The following SNW1 variants were observed in gnomAD, a reference collection of about 807,000 sequenced individuals.
SNW1 encodes the protein SNW domain containing 1.
In SNW1, 9 loss-of-function variants were observed where a neutral mutation model predicts 75.6. The observed-to-expected ratio is 0.12, with a 90% confidence interval of 0.07 to 0.21. The LOEUF is 0.21. SNW1 is among the 10% of genes least tolerant of loss of function. SNW1 has a pLI of 1.00. For missense variants in SNW1, 409 were observed against 670.9 expected (o/e 0.61, Z 4.31); for synonymous variants, 200 against 219.1 (o/e 0.91, Z 0.77).
At chr14:77,741,592 T>A (rs528601268) in intron 3 of SNW1, among the ~76,000 whole-genome samples, 2 of 152,196 alleles carry the variant, frequency 1.3e-5, no homozygotes, top group South Asian at 4.1e-4. Context: ...AGTGTTGATT[T>A]TGGAAGGGAC....
chr14:77,722,708 A>G (rs2080551604), intron 11 of SNW1: 1 of 361,648 alleles, frequency 2.8e-6, no homozygotes, highest in African/African-American at 2.1e-5. Context: ...GTTAAGTACA[A>G]GAAAATTAAG....
At chr14:77,758,438 A>G (rs1463314741) in intron 1 of SNW1, among the ~76,000 whole-genome samples, 1 of 151,782 alleles carries the variant, frequency 6.6e-6, no homozygotes, top group Non-Finnish European at 1.5e-5. Context: ...CACAGGCAGT[A>G]TGCCTAGAGT....
chr14:77,718,010 T>C lies in SNW1; in HGVS notation c.*78A>G. ...CCAGATTTGGTTTTTATCCTGACCA[T>C]TTACAAAGTGTTCCCCCATATGACT... On this transcript the variant is annotated 3_prime_UTR_variant, in exon 14 of 14. Coordinates refer to ENST00000261531, the MANE Select transcript of SNW1 (RefSeq NM_012245.3). The C allele has an allele frequency of 7.3e-7, 1 of 1,373,078 alleles. No individual in the cohort carries two copies. The highest frequency in any genetic ancestry group is 9.8e-7 in the Non-Finnish European group (1 of 1,015,842). 85.1% of individuals were successfully genotyped at this position (1,373,078 alleles called of 1,614,324 possible).
At position 77,735,944 on chromosome 14, in the gene SNW1, C is replaced by T; in HGVS notation, c.701G>A (p.Ser234Asn). The T allele has an allele frequency of 6.2e-7, 1 of 1,613,272 alleles. No individual in the cohort carries two copies. Among genetic ancestry groups the T allele is most frequent in the Non-Finnish European group, 8.5e-7 (1 of 1,179,514 alleles). The change falls in exon 7 of 14, where the codon AGC (serine) becomes AAC (asparagine). Residue 234 changes from serine to asparagine, a missense_variant. Physicochemically the swap from Ser to Asn is conservative, Grantham distance 46. Transcript: ENST00000261531. ...SPPAPVMHSP[S>N]RKMTVKEQQE... is the part of the protein sequence containing the mutation. ...GACTACAGCAAAGAATACCTTTCGGCTAGGAGAATGCATGACAGGCGCAGG... is the reference window on the plus strand; with the variant it reads ...GACTACAGCAAAGAATACCTTTCGGTTAGGAGAATGCATGACAGGCGCAGG...
intron 9 of SNW1, among the ~76,000 whole-genome samples, chr14:77,732,146 A>G (rs1367583611): frequency 1.3e-5 from 2 of 152,254 alleles, no homozygotes; most frequent in East Asian, 1.9e-4. Context: ...TTTTCCTGCA[A>G]CTGCCCTTTT....
rs1049189949 is a variant in SNW1, at chr14:77,732,723, G to A, written c.775-122C>T. On this transcript the variant is annotated intron_variant, in intron 8 of 13. Transcript: ENST00000261531. ...TCTGTCACCCTGGCTGGAGGGCAGG[G>A]GTGCCATCTCGGCTCACTGCAACCT... 5 of 644,840 alleles carry A rather than the reference G, an allele frequency of 7.8e-6. No individual in the cohort carries two copies. In the African/African-American group the frequency reaches 9.2e-5, roughly 12 times the overall value. The allele number at this position is 644,840 out of a possible 1,614,324, so 39.9% of individuals were successfully genotyped here.
rs570470502 is a variant in SNW1 at position 77,755,958 on chromosome 14, C to T, written c.15-838G>A. 3.9e-3 allele frequency among the ~76,000 whole-genome samples: 595 copies of T among 152,014 alleles called. 3 individuals are homozygous for T. The highest frequency in any genetic ancestry group is 6.4e-3 in the Non-Finnish European group (437 of 67,968). ...TTCGCCATGTTGGCCAGGCTGGTCTCGAACTCCCGACCGCAGGTGATGTGC... is the reference window on the plus strand; with the variant it reads ...TTCGCCATGTTGGCCAGGCTGGTCTTGAACTCCCGACCGCAGGTGATGTGC... On this transcript the variant is annotated intron_variant, in intron 1 of 13. Coordinates refer to ENST00000261531, the MANE Select transcript of SNW1 (RefSeq NM_012245.3).
intron 9 of SNW1, among the ~76,000 whole-genome samples, chr14:77,732,212 T>C (rs1332507378): frequency 2.0e-5 from 3 of 152,168 alleles, no homozygotes; most frequent in Non-Finnish European, 4.4e-5. Context: ...TTATGAAACC[T>C]AGCAATCTTC....
At position 77,736,009 on chromosome 14, in the gene SNW1, G is replaced by T; in HGVS notation, c.639-3C>A. 1 of 1,610,568 alleles carries T rather than the reference G, an allele frequency of 6.2e-7. No individual in the cohort carries two copies. The highest frequency in any genetic ancestry group is 8.5e-7 in the Non-Finnish European group (1 of 1,177,064). On this transcript the variant is annotated splice_region_variant and splice_polypyrimidine_tract_variant and intron_variant, in intron 6 of 13. Coordinates refer to ENST00000261531, the MANE Select transcript of SNW1 (RefSeq NM_012245.3). The stretch of plus-strand genomic sequence containing the variant: ...CCCGGGGAATTTTCTTATTAATCCT[G>T]AAGTATAAAAACACAACCAGAGAGT...
chr14:77,760,645 T>C, intron 1 of SNW1: 1 of 702,338 alleles, frequency 1.4e-6, no homozygotes, highest in East Asian at 2.7e-5. Flanking sequence ...CCGGGCCTCT[T>C]TTTTCAGGAA....
chr14:77,751,700 A>C (rs952799030), intron 2 of SNW1, among the ~76,000 whole-genome samples: 4 of 152,050 alleles, frequency 2.6e-5, no homozygotes, highest in African/African-American at 9.7e-5. Flanking sequence ...ATAAAAGAAA[A>C]AGACTGGGAA....
At chr14:77,742,722 A>G (rs2080728143) in intron 3 of SNW1, among the ~76,000 whole-genome samples, 1 of 151,802 alleles carries the variant, frequency 6.6e-6, no homozygotes, top group Non-Finnish European at 1.5e-5. Flanking sequence ...TGGGTATAGT[A>G]CGTGTGTAAC....
Position 77,761,145 on chromosome 14 carries a change from A to T in SNW1, c.-18T>A. 1 of 1,614,270 alleles carries T rather than the reference A, an allele frequency of 6.2e-7. No individual in the cohort carries two copies. Among genetic ancestry groups the T allele is most frequent in the Non-Finnish European group, 8.5e-7 (1 of 1,180,048 alleles). ...AGCGCCATCTTCTTCCGCTTCTTCCAGCGCGAGCGACAGCACCGCTGGGCG... is the reference window on the plus strand; with the variant it reads ...AGCGCCATCTTCTTCCGCTTCTTCCTGCGCGAGCGACAGCACCGCTGGGCG... On this transcript the variant is annotated 5_prime_UTR_variant, in exon 1 of 14. Coordinates refer to ENST00000261531, the MANE Select transcript of SNW1 (RefSeq NM_012245.3).
At chr14:77,736,795 A>G (rs1455004066) in intron 6 of SNW1, among the ~76,000 whole-genome samples, 176 bp downstream of exon 6, 1 of 152,036 alleles carries the variant, frequency 6.6e-6, no homozygotes, top group Non-Finnish European at 1.5e-5. Flanking sequence ...CCTTCCCCAG[A>G]GGCAACCACC....
intron 3 of SNW1, among the ~76,000 whole-genome samples, chr14:77,748,414 A>AAAAT (rs200249478): frequency 2.1e-4 from 32 of 151,958 alleles, no homozygotes; most frequent in Middle Eastern, 3.4e-3. Flanking sequence ...AATAAATACT[A>AAAAT]AAATAAATAA....
At chr14:77,727,521 G>GT (rs1417939515) in intron 10 of SNW1, among the ~76,000 whole-genome samples, 4 of 152,112 alleles carry the variant, frequency 2.6e-5, no homozygotes, top group Admixed American at 6.6e-5. Context: ...TCAGCTGTGG[G>GT]TTTGTCATAT....
chr14:77,760,188 C>A (rs1453886537), intron 1 of SNW1, among the ~76,000 whole-genome samples: 1 of 152,070 alleles, frequency 6.6e-6, no homozygotes, highest in Non-Finnish European at 1.5e-5. Flanking sequence ...GAGCAAGGCA[C>A]CAACAGTAAT....
chr14:77,750,680 C>G (rs2080800773), intron 3 of SNW1, among the ~76,000 whole-genome samples: 1 of 148,138 alleles, frequency 6.8e-6, no homozygotes, highest in Non-Finnish European at 1.5e-5. Context: ...AAAAAAAAAA[C>G]TAGGTCTTCT....
In SNW1 at chr14:77,750,671, A is replaced by T. The variant is rs2080800594; in HGVS notation, c.330+648T>A. Among the ~76,000 whole-genome samples, 3 of 152,172 alleles carry T rather than the reference A, an allele frequency of 2.0e-5. No individual in the cohort carries two copies. The East Asian group carries it at 5.8e-4, about 29-fold the overall frequency. ...ATCTTGAGTATTTATTTACAAGAAA[A>T]AAAAAAAACTAGGTCTTCTTAAAAA... On this transcript the variant is annotated intron_variant, in intron 3 of 13. Transcript: ENST00000261531.
Sources: gnomAD v4.1 joint callset for allele counts (sites outside exome capture counted in the v4.1 genomes callset) on GRCh38, gnomAD v4.1.1 for gene constraint, MANE v1.5 for transcripts, NCBI Gene and HGNC (gene_info 2026-07-23, HGNC 2026-07-21) for gene names.